RALGPS2: variants seen among roughly 807,000 people sequenced by gnomAD.
RALGPS2 encodes ras-specific guanine nucleotide-releasing factor RalGPS2.
Under a neutral mutation model 86.8 loss-of-function variants are expected in RALGPS2, and 43 were observed. The observed-to-expected ratio is 0.50, with a 90% CI of 0.39 to 0.64. The LOEUF (loss-of-function observed/expected upper bound fraction) is 0.64. Ranked by LOEUF, RALGPS2 falls within the 30% of genes least tolerant of loss-of-function variation. The pLI, the probability that RALGPS2 is intolerant of heterozygous loss-of-function variation, is 0.00. For synonymous variants in RALGPS2, 243 were observed against 231.3 expected, an observed-to-expected ratio of 1.05 and a Z score of -0.46; for missense variants, 536 against 694.6, an observed-to-expected ratio of 0.77 and a Z score of 2.57.
chr1:178,891,916 GTTTTTT>G (rs34211444), intron 14 of RALGPS2, among the ~76,000 whole-genome samples: 1 of 149,856 alleles, frequency 6.7e-6, no homozygotes, highest in Non-Finnish European at 1.5e-5. Flanking sequence ...TATTTTTGAG[GTTTTTT>G]TTTTATTATT....
At chr1:178,782,148 G>A (rs1225601014) in intron 2 of RALGPS2, among the ~76,000 whole-genome samples, 2 of 152,202 alleles carry the variant, frequency 1.3e-5, no homozygotes, top group Non-Finnish European at 2.9e-5. Context: ...GAGAATCACA[G>A]CTTACGGGAG....
intron 1 of RALGPS2, chr1:178,726,407 G>C (rs1474785900): frequency 6.6e-6 from 1 of 152,148 alleles, no homozygotes; most frequent in Non-Finnish European, 1.5e-5. Flanking sequence ...GGCGTGTTTG[G>C]GAAGAAGCTG....
intron 6 of RALGPS2, among the ~76,000 whole-genome samples, chr1:178,818,550 C>G (rs1050964331): frequency 7.9e-5 from 12 of 152,162 alleles, no homozygotes; most frequent in African/African-American, 2.9e-4. Flanking sequence ...CCAGAGATCT[C>G]TCTCTGCTTT....
chr1:178,742,065 G>A (rs1360170931), intron 1 of RALGPS2, among the ~76,000 whole-genome samples: 2 of 151,326 alleles, frequency 1.3e-5, no homozygotes, highest in African/African-American at 4.9e-5. Context: ...GAACCTGGGA[G>A]GCAGAGGTGG....
At chr1:178,862,991 C>G (rs144043905) in intron 8 of RALGPS2, among the ~76,000 whole-genome samples, 164 of 152,304 alleles carry the variant, frequency 1.1e-3, no homozygotes, top group African/African-American at 3.6e-3. Flanking sequence ...AGGCACTGTT[C>G]TAAGCACTCT....
rs1048054717 is a variant in RALGPS2, at chr1:178,738,501, C to T, written c.-84+13082C>T. ...TAGGATTACAGGTGTGAGCCACTGC[C>T]GTCGGCTAATAGTTGTATATCTTAA... is the stretch of plus-strand genomic sequence containing the variant. On this transcript the variant is annotated intron_variant, in intron 1 of 19. Coordinates refer to ENST00000367635, the MANE Select transcript of RALGPS2 (RefSeq NM_152663.5). 5.9e-5 allele frequency among the ~76,000 whole-genome samples: 9 copies of T among 151,882 alleles called. No homozygotes were observed. The South Asian group carries it at 1.0e-3, about 18-fold the overall frequency.
chr1:178,746,704 CCTTTTT>C (rs1391408642), intron 1 of RALGPS2: 7 of 775,402 alleles, frequency 9.0e-6, no homozygotes, highest in Non-Finnish European at 1.7e-5. Context: ...TCAATCTTGG[CCTTTTT>C]CTTTTTCGTT....
At chr1:178,735,074 A>G (rs577323318) in intron 1 of RALGPS2, among the ~76,000 whole-genome samples, 1 of 152,350 alleles carries the variant, frequency 6.6e-6, no homozygotes, top group East Asian at 1.9e-4. Context: ...TTCCAGCTGG[A>G]AACAACCCAA....
intron 12 of RALGPS2, 65 bp from the exon 13 acceptor site, chr1:178,885,904 T>C (rs954270576): frequency 1.5e-6 from 2 of 1,333,388 alleles, no homozygotes; most frequent in South Asian, 1.4e-5. Context: ...TAAATCTTTA[T>C]ATAAAGAGCA....
intron 7 of RALGPS2, among the ~76,000 whole-genome samples, chr1:178,830,305 G>C (rs73039814): frequency 0.1 from 15,140 of 152,146 alleles, 1,692 homozygotes; most frequent in African/African-American, 0.28. Flanking sequence ...GAATTGGGGA[G>C]ATAAGCACTT....
chr1:178,847,626 G>A (rs1236912298), intron 8 of RALGPS2, among the ~76,000 whole-genome samples: 1 of 152,156 alleles, frequency 6.6e-6, no homozygotes, highest in African/African-American at 2.4e-5. Flanking sequence ...TTACTACAAA[G>A]ATTAATTTAA....
intron 8 of RALGPS2, among the ~76,000 whole-genome samples, chr1:178,867,014 C>T (rs568675031): frequency 2.6e-5 from 4 of 152,054 alleles, no homozygotes; most frequent in African/African-American, 4.8e-5. Flanking sequence ...TTCACTCTTG[C>T]GAACTTCATA....
intron 1 of RALGPS2, among the ~76,000 whole-genome samples, chr1:178,740,725 A>G (rs909312360): frequency 6.6e-6 from 1 of 152,300 alleles, no homozygotes; most frequent in East Asian, 1.9e-4. Flanking sequence ...GGCACTGTAG[A>G]TACTGTTCTT....
intron 2 of RALGPS2, among the ~76,000 whole-genome samples, chr1:178,782,320 C>T (rs577383055): frequency 6.6e-6 from 1 of 152,208 alleles, no homozygotes; most frequent in East Asian, 1.9e-4. Context: ...CAGTTTTTCA[C>T]AGTAAAGACA....
chr1:178,894,195 G>A (rs538900937), intron 16 of RALGPS2, 171 bp downstream of exon 16: 46 of 476,250 alleles, frequency 9.7e-5, no homozygotes, highest in East Asian at 9.0e-4. Flanking sequence ...AAGATCCCCC[G>A]GGGATGACTG....
intron 1 of RALGPS2, among the ~76,000 whole-genome samples, chr1:178,730,794 C>T (rs1182694342): frequency 6.6e-6 from 1 of 151,694 alleles, no homozygotes; most frequent in Non-Finnish European, 1.5e-5. Context: ...CTCTGCTTCC[C>T]GGGTTTAAGC....
In RALGPS2 at chr1:178,772,001, G is replaced by A. The variant is rs74670127; in HGVS notation, c.-83-4681G>A. ...TAGTGGCTGTCCCCTAGGGGTTAGG[G>A]AATCTCTTAAACCCAGGAGCCTCCA... is the stretch of plus-strand genomic sequence containing the variant. On this transcript the variant is annotated intron_variant, in intron 1 of 19. Transcript: ENST00000367635. 3.6e-3 allele frequency among the ~76,000 whole-genome samples: 555 copies of A among 152,192 alleles called. 5 individuals carry two copies. The highest frequency in any genetic ancestry group is 0.012 in the African/African-American group (503 of 41,518).
At chr1:178,821,566 G>T (rs927561886) in intron 6 of RALGPS2, 46 bp from the exon 7 acceptor site, 3 of 1,443,132 alleles carry the variant, frequency 2.1e-6, no homozygotes, top group African/African-American at 2.8e-5. Flanking sequence ...TTGTATTCAT[G>T]TTGTTCTTTT....
intron 7 of RALGPS2, among the ~76,000 whole-genome samples, chr1:178,824,493 C>G (rs1226023293): frequency 6.6e-6 from 1 of 151,954 alleles, no homozygotes; most frequent in African/African-American, 2.4e-5. Context: ...ATTTAGTACC[C>G]TAGTGTATCA....
Sources: gnomAD v4.1 joint callset for allele counts (sites outside exome capture counted in the v4.1 genomes callset) on GRCh38, gnomAD v4.1.1 for gene constraint, MANE v1.5 for transcripts, NCBI Gene and HGNC (gene_info 2026-07-23, HGNC 2026-07-21) for gene names.